Variants in NAA16 observed in about 807,000 individuals in gnomAD.
NAA16 encodes the protein NARG1-like protein.
Under a neutral mutation model 110.3 loss-of-function variants are expected in NAA16, and 97 were observed. The observed-to-expected ratio is 0.88, with a 90% CI of 0.75 to 1.04. The LOEUF is 1.04. Ranked by LOEUF, NAA16 falls within the 50% of genes least tolerant of loss-of-function variation. The probability of loss-of-function intolerance (pLI) is 0.00; values close to 1 mark genes in which losing one functional copy is unlikely to be tolerated. For missense variants in NAA16, 1,017 were observed against 1,005.1 expected (o/e 1.01, Z -0.16); for synonymous variants, 372 against 330.6 (o/e 1.13, Z -1.36).
intron 9 of NAA16, among the ~76,000 whole-genome samples, chr13:41,337,508 A>T (rs996426535): frequency 2.7e-5 from 4 of 147,044 alleles, no homozygotes; most frequent in Non-Finnish European, 5.9e-5. Flanking sequence ...GCGCCACTGC[A>T]CTCCAGCCTG....
At chr13:41,332,685 C>T (rs1253118181) in intron 8 of NAA16, among the ~76,000 whole-genome samples, 1 of 152,104 alleles carries the variant, frequency 6.6e-6, no homozygotes, top group African/African-American at 2.4e-5. Context: ...TAAAAGTATT[C>T]TGGAGAGGCG....
intron 9 of NAA16, among the ~76,000 whole-genome samples, chr13:41,348,357 C>T (rs914421363): frequency 1.3e-5 from 2 of 151,850 alleles, no homozygotes; most frequent in South Asian, 2.1e-4. Context: ...TTAGTAGAAA[C>T]GGGATTTCAC....
chr13:41,333,705 T>C (rs1262278133), intron 8 of NAA16, among the ~76,000 whole-genome samples: 1 of 152,186 alleles, frequency 6.6e-6, no homozygotes, highest in African/African-American at 2.4e-5. Flanking sequence ...TTCTTTGTTC[T>C]CTTTTTCTCA....
chr13:41,339,732 G>T (rs1312314678), intron 9 of NAA16, among the ~76,000 whole-genome samples: 1 of 151,968 alleles, frequency 6.6e-6, no homozygotes, highest in Non-Finnish European at 1.5e-5. Context: ...CTAATTTTTT[G>T]TATTTTTAGT....
intron 9 of NAA16, among the ~76,000 whole-genome samples, chr13:41,349,168 A>T (rs1263231618): frequency 2.0e-5 from 3 of 149,616 alleles, no homozygotes; most frequent in African/African-American, 7.4e-5. Flanking sequence ...CTTTTTTCTA[A>T]TTTTTTTTTC....
At chr13:41,324,458 C>T (rs1229056366) in intron 5 of NAA16, among the ~76,000 whole-genome samples, 1 of 148,348 alleles carries the variant, frequency 6.7e-6, no homozygotes, top group African/African-American at 2.5e-5. Flanking sequence ...TCACTGCAAC[C>T]TCCGCCTACC....
At chr13:41,324,817 C>T (rs1242556665) in intron 5 of NAA16, among the ~76,000 whole-genome samples, 1 of 151,752 alleles carries the variant, frequency 6.6e-6, no homozygotes, top group Non-Finnish European at 1.5e-5. Flanking sequence ...AGGACTGCTC[C>T]AGAGACTGAG....
intron 10 of NAA16, among the ~76,000 whole-genome samples, chr13:41,357,491 T>G (rs1464254847): frequency 6.6e-6 from 1 of 152,248 alleles, no homozygotes; most frequent in Non-Finnish European, 1.5e-5. Context: ...CTTAACTCAT[T>G]GCCTTTATTT....
At chr13:41,318,603 A>C (rs868720619) in intron 2 of NAA16, among the ~76,000 whole-genome samples, 3 of 152,226 alleles carry the variant, frequency 2.0e-5, no homozygotes, top group Non-Finnish European at 4.4e-5. Flanking sequence ...GAATTTCAGA[A>C]AAGGACTTGG....
rs778674689 is a variant in NAA16 at position 41,358,394 on chromosome 13, C to G, written c.1178C>G (p.Ala393Gly). 3 of 1,613,502 alleles carry G rather than the reference C, an allele frequency of 1.9e-6. No individual in the cohort carries two copies. In the Admixed American group the frequency reaches 5.0e-5, roughly 27 times the overall value. Residue 393 changes from alanine to glycine, a missense_variant, in exon 11 of 20, where the codon GCT becomes GGT. Coordinates refer to ENST00000379406, the MANE Select transcript of NAA16 (RefSeq NM_024561.5). Reference sequence around the variant, plus strand: ...GATAAACTTGGACAGTATTCTTTGGCTTTGGATTATATTAATGCTGCAATT... The same window carrying G: ...GATAAACTTGGACAGTATTCTTTGGGTTTGGATTATATTAATGCTGCAATT... ...HFDKLGQYSL[A>G]LDYINAAIAS... is the part of the protein sequence containing the mutation.
rs557141001 is a variant in NAA16, at chr13:41,322,095, A to G, written c.403-961A>G. On this transcript the variant is annotated intron_variant, in intron 4 of 19. Transcript: ENST00000379406. ...AGTGGATTGTGAAGTAAATTAAGTT[A>G]AAAGAGAGCTAGGCTTGGTATTACG... is the stretch of plus-strand genomic sequence containing the variant. 8.5e-5 allele frequency among the ~76,000 whole-genome samples: 13 copies of G among 152,292 alleles called. No individual in the cohort carries two copies. In the East Asian group the frequency reaches 2.5e-3, roughly 29 times the overall value.
chr13:41,328,370 G>A (rs1457349342), intron 6 of NAA16, among the ~76,000 whole-genome samples: 1 of 152,156 alleles, frequency 6.6e-6, no homozygotes, highest in Non-Finnish European at 1.5e-5. Context: ...GTAGTAGGAA[G>A]ATAGGAATGT....
intron 9 of NAA16, among the ~76,000 whole-genome samples, chr13:41,349,918 ACCATTGCATTCCAGCCTGGG>A (rs2042782302): frequency 6.6e-6 from 1 of 151,126 alleles, no homozygotes; most frequent in South Asian, 2.1e-4. Context: ...CTGAGATCGC[ACCATTGCATTCCAGCCTGGG>A]TGACAGAGCG....
intron 13 of NAA16, among the ~76,000 whole-genome samples, chr13:41,366,618 T>C (rs2043212519): frequency 6.6e-6 from 1 of 152,136 alleles, no homozygotes; most frequent in African/African-American, 2.4e-5. Flanking sequence ...GAAAATTGGA[T>C]GAAAGCTTTG....
chr13:41,351,183 A>T (rs1052918733), intron 9 of NAA16, among the ~76,000 whole-genome samples: 4 of 152,306 alleles, frequency 2.6e-5, no homozygotes, highest in East Asian at 1.9e-4. Flanking sequence ...TACGTAAAGC[A>T]TTGGTGTGTG....
chr13:41,319,919 C>G (rs2041905965), intron 3 of NAA16, among the ~76,000 whole-genome samples: 1 of 151,042 alleles, frequency 6.6e-6, no homozygotes, highest in Admixed American at 6.6e-5. Context: ...ACATATTGCC[C>G]TTGCATTTTA....
At chr13:41,334,734 G>A (rs2042332056) in intron 8 of NAA16, among the ~76,000 whole-genome samples, 2 of 152,182 alleles carry the variant, frequency 1.3e-5, no homozygotes, top group Admixed American at 6.5e-5. Flanking sequence ...TATTCACACA[G>A]TTGCAAATTA....
At chr13:41,325,458 A>T (rs992687609) in intron 5 of NAA16, among the ~76,000 whole-genome samples, 1 of 151,534 alleles carries the variant, frequency 6.6e-6, no homozygotes, top group African/African-American at 2.4e-5. Flanking sequence ...AACCATTTTT[A>T]TATTTGTATG....
At chr13:41,321,734 C>A (rs1247045471) in intron 4 of NAA16, among the ~76,000 whole-genome samples, 1 of 150,614 alleles carries the variant, frequency 6.6e-6, no homozygotes, top group African/African-American at 2.5e-5. Flanking sequence ...TAGTCCACTT[C>A]GTATCCTAGA....
Sources: gnomAD v4.1 joint callset for allele counts (sites outside exome capture counted in the v4.1 genomes callset) on GRCh38, gnomAD v4.1.1 for gene constraint, MANE v1.5 for transcripts, NCBI Gene and HGNC (gene_info 2026-07-23, HGNC 2026-07-21) for gene names.